USP32: variants seen among roughly 807,000 people sequenced by gnomAD.
USP32 encodes the protein ubiquitin specific peptidase 32, also known as ubiquitin carboxyl-terminal hydrolase 32.
USP32 carries 59 observed loss-of-function variants against 204.8 expected under a neutral mutation model. The ratio of observed to expected loss-of-function variants is 0.29; its 90% CI spans 0.23 to 0.36. The LOEUF is 0.36. Ranked by LOEUF, USP32 falls within the 10% of genes least tolerant of loss-of-function variation. The probability of loss-of-function intolerance (pLI) is 1.00; values close to 1 mark genes in which losing one functional copy is unlikely to be tolerated. For missense variants in USP32, 1,160 were observed against 1,946.4 expected (o/e 0.60, Z 7.60); for synonymous variants, 517 against 678.4 (o/e 0.76, Z 3.70).
chr17:60,318,634 C>T (rs973272671), intron 2 of USP32, among the ~76,000 whole-genome samples: 1 of 152,158 alleles, frequency 6.6e-6, no homozygotes, highest in African/African-American at 2.4e-5. Context: ...ACCTCCAAAC[C>T]CAGAAAACAA....
chr17:60,365,910 G>A (rs1009088134), intron 1 of USP32, among the ~76,000 whole-genome samples: 3 of 152,144 alleles, frequency 2.0e-5, no homozygotes, highest in Non-Finnish European at 4.4e-5. Flanking sequence ...TAATCCATTT[G>A]GAGGGCTATG....
chr17:60,246,140 T>C (rs1454586331), intron 11 of USP32, among the ~76,000 whole-genome samples: 1 of 151,922 alleles, frequency 6.6e-6, no homozygotes, highest in African/African-American at 2.4e-5. Context: ...CAACTGTATT[T>C]TTACAGTCAT....
chr17:60,249,477 C>G (rs1196524277), intron 11 of USP32: 1 of 450,260 alleles, frequency 2.2e-6, no homozygotes, highest in Non-Finnish European at 3.9e-6. Flanking sequence ...TTCCCCTAAC[C>G]AGTATTTTAT....
intron 1 of USP32, among the ~76,000 whole-genome samples, chr17:60,369,849 T>G (rs975128945): frequency 5.3e-5 from 8 of 152,056 alleles, no homozygotes; most frequent in Non-Finnish European, 8.8e-5. Context: ...GTGATTCTCC[T>G]GCCTCAGCCT....
In USP32 at chr17:60,255,068, T is replaced by C. The variant is rs1007747098; in HGVS notation, c.1074+107A>G. 9.5e-6 allele frequency: 6 copies of C among 631,628 alleles called. No homozygotes were observed. The African/African-American group carries it at 1.1e-4, about 12-fold the overall frequency. 39.1% of individuals were successfully genotyped at this position (631,628 alleles called of 1,614,324 possible). On this transcript the variant is annotated intron_variant, in intron 10 of 33. Coordinates refer to ENST00000300896, the MANE Select transcript of USP32 (RefSeq NM_032582.4). ...TAGTTCTTTTTTTTTTTTTTTAATA[T>C]ATGGTTTTGCAGCCTAGATACAACA...
At chr17:60,271,285 C>CA (rs1598174568) in intron 6 of USP32, 65 bp downstream of exon 6, 1 of 1,569,600 alleles carries the variant, frequency 6.4e-7, no homozygotes, top group East Asian at 2.3e-5. Flanking sequence ...GTATTGGTTA[C>CA]AAATATGAGA....
chr17:60,245,852 T>TA (rs1391315108), intron 11 of USP32, among the ~76,000 whole-genome samples: 1 of 151,512 alleles, frequency 6.6e-6, no homozygotes, highest in African/African-American at 2.4e-5. Context: ...CTTTTTTTTT[T>TA]AATGTGTTTT....
chr17:60,362,995 T>C (rs911077359), intron 1 of USP32, among the ~76,000 whole-genome samples: 7 of 152,106 alleles, frequency 4.6e-5, no homozygotes, highest in African/African-American at 1.7e-4. Flanking sequence ...TTTTACTCTT[T>C]AAAAAGAATT....
chr17:60,379,037 C>A (rs2089601256), intron 1 of USP32, among the ~76,000 whole-genome samples: 1 of 152,104 alleles, frequency 6.6e-6, no homozygotes, highest in African/African-American at 2.4e-5. Context: ...TTCACATGAA[C>A]TATTTTGAAA....
intron 9 of USP32, among the ~76,000 whole-genome samples, chr17:60,261,067 T>C (rs1044579449): frequency 1.3e-5 from 2 of 152,158 alleles, no homozygotes; most frequent in Non-Finnish European, 2.9e-5. Context: ...ACGACTAAAA[T>C]TCCAGGACAG....
intron 10 of USP32, 60 bp downstream of exon 10, chr17:60,255,115 A>G (rs1443781705): frequency 4.7e-6 from 6 of 1,277,906 alleles, no homozygotes; most frequent in Non-Finnish European, 6.7e-6. Flanking sequence ...TATATGATGG[A>G]AAAGATGTAG....
chr17:60,281,973 T>TATGTTTTAATA (rs1324645027), intron 5 of USP32, among the ~76,000 whole-genome samples: 1 of 152,230 alleles, frequency 6.6e-6, no homozygotes, highest in Non-Finnish European at 1.5e-5. Flanking sequence ...GACTTACGGC[T>TATGTTTTAATA]GACTTGTTTT....
At chr17:60,187,274 T>C (rs1311490800) in intron 29 of USP32, among the ~76,000 whole-genome samples, 6 of 152,228 alleles carry the variant, frequency 3.9e-5, no homozygotes, top group Admixed American at 2.0e-4. Flanking sequence ...GTTCTAGCAC[T>C]GCATAACTAT....
intron 5 of USP32, among the ~76,000 whole-genome samples, chr17:60,283,488 GA>G (rs1230987773): frequency 1.3e-5 from 2 of 152,082 alleles, no homozygotes; most frequent in African/African-American, 4.8e-5. Context: ...AGTAAAATAA[GA>G]AAGATAAGAA....
rs2084227665 is a variant in USP32 at position 60,185,480 on chromosome 17, A to G, written c.3814T>C (p.Trp1272Arg). Reference protein sequence around the residue: ...HCLATKKLDLWRLPPILIIHL... With the variant: ...HCLATKKLDLRRLPPILIIHL... ...CATACCAGGATGGGTGGAAGCCTCC[A>G]GAGATCCAGCTTCTTTGTTGCTAAG... is the stretch of plus-strand genomic sequence containing the variant. Residue 1272 changes from tryptophan (W) to arginine (R), a missense_variant, in exon 30 of 34, where the codon TGG becomes CGG. Around this residue, in one of 8 missense-constraint regions of USP32, gnomAD observed 160 missense variants for 322.5 expected, o/e 0.50. Coordinates refer to ENST00000300896, the MANE Select transcript of USP32 (RefSeq NM_032582.4). The G allele has an allele frequency of 6.2e-7, 1 of 1,608,666 alleles. No individual in the cohort carries two copies. Among genetic ancestry groups the G allele is most frequent in the African/African-American group, 1.3e-5 (1 of 74,834 alleles).
At chr17:60,303,335 C>G (rs2087633929) in intron 2 of USP32, among the ~76,000 whole-genome samples, 1 of 152,020 alleles carries the variant, frequency 6.6e-6, no homozygotes, top group Non-Finnish European at 1.5e-5. Context: ...TTACAGATCC[C>G]CTATCACTGG....
intron 1 of USP32, among the ~76,000 whole-genome samples, chr17:60,361,607 A>G (rs2089208351): frequency 6.6e-6 from 1 of 152,072 alleles, no homozygotes. Flanking sequence ...CATTCCCACA[A>G]TTGTGCTTTT....
chr17:60,229,743 T>C (rs2085493085), intron 12 of USP32, among the ~76,000 whole-genome samples: 1 of 152,220 alleles, frequency 6.6e-6, no homozygotes. Flanking sequence ...TTTGGCAAGG[T>C]AATCCGTTTA....
chr17:60,246,922 T>G (rs1229889156), intron 11 of USP32, among the ~76,000 whole-genome samples: 1 of 152,232 alleles, frequency 6.6e-6, no homozygotes, highest in African/African-American at 2.4e-5. Flanking sequence ...CTTTATACAT[T>G]CTGGTTATTA....
Sources: gnomAD v4.1 joint callset for allele counts (sites outside exome capture counted in the v4.1 genomes callset) on GRCh38, gnomAD v4.1.1 for gene constraint, gnomAD v4.1.1 regional missense constraint, MANE v1.5 for transcripts, NCBI Gene and HGNC (gene_info 2026-07-23, HGNC 2026-07-21) for gene names.